PKHD1: variants seen among roughly 807,000 people sequenced by gnomAD.
PKHD1 encodes the protein PKHD1 ciliary IPT domain containing fibrocystin/polyductin.
A neutral mutation model predicts 412.0 loss-of-function variants in PKHD1; 291 were observed. The observed-to-expected ratio is 0.71, with a 90% CI of 0.64 to 0.78. The LOEUF (loss-of-function observed/expected upper bound fraction) is 0.78. PKHD1 is among the 30% of genes least tolerant of loss of function. PKHD1 has a pLI of 0.00. For missense variants in PKHD1, 4,825 were observed against 4,950.7 expected (o/e 0.97, Z 0.76); for synonymous variants, 1,777 against 1,821.5 (o/e 0.98, Z 0.62).
chr6:51,822,744 T>C (rs1766652947), intron 52 of PKHD1, among the ~76,000 whole-genome samples: 1 of 152,190 alleles, frequency 6.6e-6, no homozygotes, highest in Non-Finnish European at 1.5e-5. Context: ...CTGCTAAACC[T>C]ACTCCTTTAC....
intron 52 of PKHD1, among the ~76,000 whole-genome samples, chr6:51,807,475 A>ATT (rs1257618964): frequency 9.0e-6 from 1 of 111,554 alleles, no homozygotes; most frequent in African/African-American, 4.1e-5. Context: ...ATATATATAT[A>ATT]TATATGTATA....
chr6:51,800,460 G>C (rs1485681150), intron 52 of PKHD1, among the ~76,000 whole-genome samples: 1 of 152,222 alleles, frequency 6.6e-6, no homozygotes, highest in Non-Finnish European at 1.5e-5. Flanking sequence ...ACCTGAGCCA[G>C]ACTGAAAGAC....
intron 48 of PKHD1, among the ~76,000 whole-genome samples, 162 bp downstream of exon 48, chr6:51,867,701 C>T (rs944331097): frequency 1.3e-5 from 2 of 152,116 alleles, no homozygotes; most frequent in East Asian, 1.9e-4. Context: ...AACTACCATA[C>T]ACTCATGATT....
At chr6:51,662,813 T>G (rs1317649876) in intron 60 of PKHD1, among the ~76,000 whole-genome samples, 1 of 151,992 alleles carries the variant, frequency 6.6e-6, no homozygotes, top group African/African-American at 2.4e-5. Flanking sequence ...ATTCAACAAC[T>G]TAAAGTAGAC....
Position 52,004,345 on chromosome 6 carries a change from T to G in PKHD1, c.5751+5964A>C, listed in dbSNP as rs1399316705. On this transcript the variant is annotated intron_variant, in intron 35 of 66. Coordinates refer to ENST00000371117, the MANE Select transcript of PKHD1 (RefSeq NM_138694.4). Reference sequence around the variant, plus strand: ...CTATAATTTTTATTAATTTTTGAAATAGTTTTCATTTTCCTGCTGGAATTT... The same window carrying G: ...CTATAATTTTTATTAATTTTTGAAAGAGTTTTCATTTTCCTGCTGGAATTT... Among the ~76,000 whole-genome samples, 4 of 152,210 alleles carry G rather than the reference T, an allele frequency of 2.6e-5. No homozygotes were observed. The East Asian group carries it at 7.7e-4, about 29-fold the overall frequency.
chr6:51,747,427 G>A (rs972750885), intron 58 of PKHD1, among the ~76,000 whole-genome samples: 6 of 151,910 alleles, frequency 3.9e-5, no homozygotes, highest in Admixed American at 2.0e-4. Flanking sequence ...TGTGTTAGCC[G>A]GGAGTGGTGG....
At chr6:51,763,411 C>G (rs1047270045) in intron 55 of PKHD1, among the ~76,000 whole-genome samples, 9 of 152,044 alleles carry the variant, frequency 5.9e-5, no homozygotes, top group Non-Finnish European at 1.5e-5. Flanking sequence ...TAGCCTGTAG[C>G]TCAGACTCCA....
intron 33 of PKHD1, among the ~76,000 whole-genome samples, chr6:52,022,419 T>C (rs969229284): frequency 6.6e-6 from 1 of 152,222 alleles, no homozygotes; most frequent in Non-Finnish European, 1.5e-5. Context: ...AATAAGCAGA[T>C]GTCTTCAGCA....
chr6:52,071,842 C>T (rs2128231315), intron 8 of PKHD1, among the ~76,000 whole-genome samples: 1 of 152,240 alleles, frequency 6.6e-6, no homozygotes, highest in South Asian at 2.1e-4. Context: ...GTAAAGCATT[C>T]GAGCAGAGCT....
intron 55 of PKHD1, among the ~76,000 whole-genome samples, chr6:51,765,566 C>T (rs1390234076): frequency 6.6e-6 from 1 of 152,038 alleles, no homozygotes; most frequent in Non-Finnish European, 1.5e-5. Flanking sequence ...GCTCAAATTT[C>T]TCATCCTCAA....
At chr6:51,897,699 A>G (rs1361171649) in intron 43 of PKHD1, among the ~76,000 whole-genome samples, 22 of 146,322 alleles carry the variant, frequency 1.5e-4, no homozygotes, top group African/African-American at 4.4e-4. Context: ...AAATGCTCCA[A>G]TTAAAAGACA....
intron 37 of PKHD1, 76 bp downstream of exon 37, chr6:51,934,034 C>T (rs1787066714): frequency 1.7e-6 from 2 of 1,180,186 alleles, no homozygotes; most frequent in Non-Finnish European, 1.3e-6. Context: ...TAGTCAAGGA[C>T]TTTTAAACAG....
intron 4 of PKHD1, among the ~76,000 whole-genome samples, chr6:52,080,443 C>T (rs1010097232): frequency 6.6e-6 from 1 of 152,182 alleles, no homozygotes; most frequent in Non-Finnish European, 1.5e-5. Context: ...CCCATAAATA[C>T]TTCATGTAGC....
intron 65 of PKHD1, among the ~76,000 whole-genome samples, chr6:51,628,469 G>A (rs938716271): frequency 6.6e-6 from 1 of 152,034 alleles, no homozygotes; most frequent in African/African-American, 2.4e-5. Context: ...CCTTTATCCA[G>A]TACACTGTTG....
chr6:51,938,553 T>G (rs1207142418), intron 36 of PKHD1, among the ~76,000 whole-genome samples: 1 of 138,166 alleles, frequency 7.2e-6, no homozygotes, highest in Non-Finnish European at 1.5e-5. Context: ...CCCCAAATCT[T>G]ATAAGATGGC....
rs757479262 is a variant in PKHD1, at chr6:51,619,488, T to A, written c.11818A>T (p.Asn3940Tyr). 27 of 1,613,948 alleles carry A rather than the reference T, an allele frequency of 1.7e-5. No homozygotes were observed. The East Asian group carries it at 5.6e-4, about 33-fold the overall frequency. The change falls in exon 67 of 67, where the codon AAC becomes TAC. Residue 3940 changes from asparagine to tyrosine, a missense_variant. Transcript: ENST00000371117. ...MRMKVMLGKVNQCPHQLMNGV... is the reference protein window; with the variant it reads ...MRMKVMLGKVYQCPHQLMNGV... The stretch of plus-strand genomic sequence containing the variant: ...TTCATCAACTGGTGGGGGCACTGGT[T>A]CACCTTGCCCAGCATGACCTTCATT...
intron 66 of PKHD1, among the ~76,000 whole-genome samples, chr6:51,621,580 A>G (rs1766621791): frequency 6.6e-6 from 1 of 152,152 alleles, no homozygotes; most frequent in African/African-American, 2.4e-5. Context: ...AGACTAACAC[A>G]AGCATAGCTT....
Position 52,064,951 on chromosome 6 carries a change from T to G in PKHD1, c.976+4A>C, listed in dbSNP as rs760240316. On this transcript the variant is annotated splice_donor_region_variant and intron_variant, in intron 13 of 66. Coordinates refer to ENST00000371117, the MANE Select transcript of PKHD1 (RefSeq NM_138694.4). ...TTATTGAACAGCCCTGGTGGCTTCC[T>G]TACCTGGCTGAGGGGTGGTGAGCCT... 6.4e-7 allele frequency: 1 copy of G among 1,571,808 alleles called. No individual in the cohort carries two copies. The highest frequency in any genetic ancestry group is 8.7e-7 in the Non-Finnish European group (1 of 1,148,166).
At chr6:51,703,896 A>C (rs1420169507) in intron 60 of PKHD1, among the ~76,000 whole-genome samples, 1 of 152,068 alleles carries the variant, frequency 6.6e-6, no homozygotes, top group Non-Finnish European at 1.5e-5. Flanking sequence ...CATAAATATA[A>C]GTCAAGATGC....
Sources: gnomAD v4.1 joint callset for allele counts (sites outside exome capture counted in the v4.1 genomes callset) on GRCh38, gnomAD v4.1.1 for gene constraint, MANE v1.5 for transcripts, NCBI Gene and HGNC (gene_info 2026-07-23, HGNC 2026-07-21) for gene names.